Variants in DLG2 observed in about 807,000 individuals in gnomAD.
DLG2 encodes disks large homolog 2.
A neutral mutation model predicts 132.5 loss-of-function variants in DLG2; 45 were observed. The observed-to-expected ratio is 0.34, with a 90% CI of 0.27 to 0.44. DLG2 has a LOEUF of 0.44. DLG2 is among the 20% of genes least tolerant of loss of function. DLG2 has a pLI of 1.00. For synonymous variants in DLG2, 424 were observed against 419.6 expected (o/e 1.01, Z -0.13); for missense variants, 1,045 against 1,196.9 (o/e 0.87, Z 1.87).
At chr11:84,605,225 C>A (rs1052119715) in intron 6 of DLG2, among the ~76,000 whole-genome samples, 2 of 151,902 alleles carry the variant, frequency 1.3e-5, no homozygotes, top group Non-Finnish European at 2.9e-5. Context: ...TATACTACTA[C>A]AGATTGTTAT....
At chr11:84,434,329 T>C (rs2154474571) in intron 7 of DLG2, among the ~76,000 whole-genome samples, 1 of 152,126 alleles carries the variant, frequency 6.6e-6, no homozygotes, top group East Asian at 1.9e-4. Flanking sequence ...AATTCTAATA[T>C]AAAAGAGAGG....
chr11:85,253,697 G>A (rs2076517532), intron 4 of DLG2, among the ~76,000 whole-genome samples: 1 of 152,158 alleles, frequency 6.6e-6, no homozygotes, highest in Non-Finnish European at 1.5e-5. Flanking sequence ...CACACTCATG[G>A]CACCCGAGTT....
intron 18 of DLG2, among the ~76,000 whole-genome samples, chr11:83,713,527 A>C (rs1399181950): frequency 6.6e-6 from 1 of 152,204 alleles, no homozygotes; most frequent in African/African-American, 2.4e-5. Context: ...GATGACGATG[A>C]AAACCAGATC....
chr11:84,160,815 T>C (rs553607019), intron 9 of DLG2, among the ~76,000 whole-genome samples: 10 of 152,142 alleles, frequency 6.6e-5, no homozygotes, highest in Admixed American at 6.6e-4. Context: ...TTCATTGCCA[T>C]GGGAGAATAT....
At chr11:84,782,438 CCA>C (rs10599798) in intron 6 of DLG2, among the ~76,000 whole-genome samples, 52,040 of 147,662 alleles carry the variant, frequency 0.35, 9,375 homozygotes, top group African/African-American at 0.41. Context: ...ACTACCCCTA[CCA>C]CACACACACA....
At chr11:83,989,209 A>G (rs2093557099) in intron 11 of DLG2, among the ~76,000 whole-genome samples, 1 of 152,086 alleles carries the variant, frequency 6.6e-6, no homozygotes, top group Non-Finnish European at 1.5e-5. Flanking sequence ...GCCTCAGGTA[A>G]ACTTTGATGA....
chr11:83,509,864 C>T (rs1023431199), intron 21 of DLG2, among the ~76,000 whole-genome samples: 97 of 152,088 alleles, frequency 6.4e-4, no homozygotes, highest in African/African-American at 2.2e-3. Context: ...TTTGGTTCAT[C>T]TCTTCATTCA....
intron 9 of DLG2, among the ~76,000 whole-genome samples, chr11:84,154,762 C>A (rs1328342365): frequency 6.6e-6 from 1 of 151,870 alleles, no homozygotes; most frequent in East Asian, 1.9e-4. Context: ...GGTTTTTTGT[C>A]CCTGCGATAG....
chr11:84,296,550 T>A (rs2154378971), intron 7 of DLG2, among the ~76,000 whole-genome samples: 1 of 152,254 alleles, frequency 6.6e-6, no homozygotes, highest in Admixed American at 6.5e-5. Context: ...GGGATGTGCC[T>A]GCCTCAGCCT....
At chr11:84,564,921 A>T (rs1054541697) in intron 6 of DLG2, among the ~76,000 whole-genome samples, 15 of 152,304 alleles carry the variant, frequency 9.8e-5, no homozygotes, top group African/African-American at 3.6e-4. Flanking sequence ...CTCAACAGAT[A>T]ATCTAGTCTA....
intron 21 of DLG2, among the ~76,000 whole-genome samples, chr11:83,497,425 C>T (rs532449783): frequency 8.5e-5 from 13 of 152,246 alleles, no homozygotes; most frequent in Admixed American, 7.2e-4. Context: ...GTCCCATCTA[C>T]TCAGGAGGCT....
At chr11:83,818,956 G>A (rs936227300) in intron 17 of DLG2, among the ~76,000 whole-genome samples, 1 of 152,158 alleles carries the variant, frequency 6.6e-6, no homozygotes, top group Admixed American at 6.5e-5. Context: ...CAAATCCACT[G>A]CCATCTTTTT....
chr11:84,349,840 A>G (rs1417648259), intron 7 of DLG2, among the ~76,000 whole-genome samples: 3 of 151,258 alleles, frequency 2.0e-5, no homozygotes, highest in Non-Finnish European at 4.4e-5. Context: ...CCTCTAAAAT[A>G]TATATATATA....
chr11:84,501,251 T>G (rs1261658214), intron 7 of DLG2, among the ~76,000 whole-genome samples: 1 of 152,212 alleles, frequency 6.6e-6, no homozygotes, highest in Non-Finnish European at 1.5e-5. Flanking sequence ...ATTTCCTAAG[T>G]AGATTCTGAA....
At chr11:83,801,397 C>G (rs377071340) in intron 17 of DLG2, among the ~76,000 whole-genome samples, 1 of 152,144 alleles carries the variant, frequency 6.6e-6, no homozygotes, top group African/African-American at 2.4e-5. Flanking sequence ...TTTCTTTTGG[C>G]TCCTTGTTAG....
At chr11:84,137,904 AT>A (rs1376130183) in intron 9 of DLG2, among the ~76,000 whole-genome samples, 1 of 151,702 alleles carries the variant, frequency 6.6e-6, no homozygotes, top group East Asian at 1.9e-4. Context: ...TGCAGATTCT[AT>A]GTTCAAAGTG....
intron 7 of DLG2, among the ~76,000 whole-genome samples, chr11:84,525,060 T>G (rs1373293594): frequency 3.9e-5 from 6 of 152,014 alleles, no homozygotes; most frequent in Admixed American, 6.5e-5. Context: ...CTGCTTCATG[T>G]TATCCTCGGT....
chr11:84,253,841 A>T (rs2097424019), intron 7 of DLG2, among the ~76,000 whole-genome samples: 1 of 152,048 alleles, frequency 6.6e-6, no homozygotes, highest in Non-Finnish European at 1.5e-5. Flanking sequence ...ATTTTTCCCC[A>T]CTAAGCTGCT....
chr11:85,507,836 A>G (rs2093970310), intron 3 of DLG2, among the ~76,000 whole-genome samples: 2 of 152,090 alleles, frequency 1.3e-5, no homozygotes, highest in African/African-American at 2.4e-5. Context: ...ATCACTTTCC[A>G]GTACACCAAT....
Sources: allele counts gnomAD v4.1 joint callset (sites outside exome capture counted in the v4.1 genomes callset), GRCh38; gene constraint gnomAD v4.1.1; transcripts MANE v1.5; gene names NCBI Gene and HGNC (gene_info 2026-07-23, HGNC 2026-07-21).